The following WDR27 variants were observed in gnomAD, a reference collection of about 807,000 sequenced individuals.
WDR27 encodes the protein WD repeat domain 27, also known as WD repeat-containing protein 27.
WDR27 carries 100 observed loss-of-function variants against 114.4 expected under a neutral mutation model. The observed-to-expected ratio is 0.87, with a 90% CI of 0.74 to 1.03. The LOEUF (loss-of-function observed/expected upper bound fraction) is 1.03, where lower values mean the gene tolerates loss of function less well. WDR27 is among the 50% of genes least tolerant of loss of function. WDR27 has a pLI of 0.00. For synonymous variants in WDR27, 449 were observed against 423.1 expected (o/e 1.06, Z -0.75); for missense variants, 1,129 against 1,092.9 (o/e 1.03, Z -0.47).
chr6:169,435,849 A>C, the WDR27 span, among the ~76,000 whole-genome samples: 1 of 152,190 alleles, frequency 6.6e-6, no homozygotes, highest in African/African-American at 2.4e-5. Flanking sequence ...ATTGGTTTTG[A>C]AATGTGAGGA....
intron 25 of WDR27, among the ~76,000 whole-genome samples, chr6:169,548,023 C>T (rs1463626147): frequency 6.6e-6 from 1 of 151,794 alleles, no homozygotes; most frequent in African/African-American, 2.4e-5. Flanking sequence ...AAAAGTTAAT[C>T]ACTTTCCTAT....
intron 22 of WDR27, among the ~76,000 whole-genome samples, chr6:169,608,055 C>T (rs1343635206): frequency 6.6e-6 from 1 of 152,132 alleles, no homozygotes; most frequent in Non-Finnish European, 1.5e-5. Context: ...CTGTACTAAG[C>T]AACTGTAACA....
chr6:169,601,994 T>A (rs1808078952), intron 23 of WDR27, among the ~76,000 whole-genome samples: 1 of 152,240 alleles, frequency 6.6e-6, no homozygotes. Flanking sequence ...ATCTGTGAAA[T>A]GATTAATAAT....
intron 12 of WDR27, among the ~76,000 whole-genome samples, 167 bp from the exon 13 acceptor site, chr6:169,658,525 G>A (rs894674423): frequency 9.2e-5 from 14 of 151,828 alleles, no homozygotes; most frequent in Non-Finnish European, 1.6e-4. Context: ...ATCCTTGTAG[G>A]AAAAAAATAT....
intron 23 of WDR27, among the ~76,000 whole-genome samples, chr6:169,595,452 C>A (rs1156438375): frequency 6.6e-6 from 1 of 152,148 alleles, no homozygotes; most frequent in African/African-American, 2.4e-5. Flanking sequence ...ACCATTTTTC[C>A]ATCTCTCTTC....
At chr6:169,501,597 A>G (rs942090253) in intron 25 of WDR27, among the ~76,000 whole-genome samples, 1 of 152,240 alleles carries the variant, frequency 6.6e-6, no homozygotes, top group African/African-American at 2.4e-5. Flanking sequence ...TAAAATGCAT[A>G]AAGATGTATG....
At chr6:169,465,698 A>T (rs1785494609) in intron 25 of WDR27, among the ~76,000 whole-genome samples, 1 of 152,250 alleles carries the variant, frequency 6.6e-6, no homozygotes, top group African/African-American at 2.4e-5. Flanking sequence ...ACAATGGCAA[A>T]TTATTCAGTC....
At chr6:169,655,515 C>G (rs1481978604) in intron 13 of WDR27, among the ~76,000 whole-genome samples, 2 of 152,236 alleles carry the variant, frequency 1.3e-5, no homozygotes, top group African/African-American at 2.4e-5. Flanking sequence ...GCAAATCTCA[C>G]AGACACGAAG....
At chr6:169,541,710 A>C (rs1392808944) in intron 25 of WDR27, among the ~76,000 whole-genome samples, 1 of 152,220 alleles carries the variant, frequency 6.6e-6, no homozygotes, top group Non-Finnish European at 1.5e-5. Flanking sequence ...TGCAACCATA[A>C]GCAAATCTGG....
At chr6:169,689,646 A>T (rs1344553921) in intron 1 of WDR27, among the ~76,000 whole-genome samples, 2 of 152,262 alleles carry the variant, frequency 1.3e-5, no homozygotes, top group Non-Finnish European at 2.9e-5. Flanking sequence ...TCAGATCTTC[A>T]TCCAACTTTA....
At chr6:169,700,644 C>T (rs968810399) in intron 1 of WDR27, among the ~76,000 whole-genome samples, 1 of 152,164 alleles carries the variant, frequency 6.6e-6, no homozygotes, top group Non-Finnish European at 1.5e-5. Context: ...CCAAAGGAAT[C>T]GTCTGACTAG....
chr6:169,450,458 T>A, the WDR27 span, among the ~76,000 whole-genome samples: 906 of 152,324 alleles, frequency 5.9e-3, 11 homozygotes, highest in African/African-American at 0.019. Flanking sequence ...GTTCTACAGC[T>A]GAGCTGCCTG....
chr6:169,523,972 C>T (rs974700081), intron 25 of WDR27, among the ~76,000 whole-genome samples: 3 of 152,020 alleles, frequency 2.0e-5, no homozygotes, highest in African/African-American at 7.2e-5. Context: ...AATTAATAGA[C>T]ATAATAGGTA....
At chr6:169,504,852 G>C (rs1791805482) in intron 25 of WDR27, among the ~76,000 whole-genome samples, 1 of 152,160 alleles carries the variant, frequency 6.6e-6, no homozygotes, top group Non-Finnish European at 1.5e-5. Flanking sequence ...TGCCACCTCA[G>C]CCTCCCAAGG....
At chr6:169,497,225 T>C (rs111831769) in intron 25 of WDR27, among the ~76,000 whole-genome samples, 6,148 of 151,894 alleles carry the variant, frequency 0.04, 351 homozygotes, top group African/African-American at 0.13. Context: ...AATGTGCAAA[T>C]GAATGAAGTT....
At chr6:169,452,930 C>T (rs537739532), downstream of WDR27, among the ~76,000 whole-genome samples, 5 of 152,308 alleles carry the variant, frequency 3.3e-5, no homozygotes, top group South Asian at 1.0e-3. Context: ...AGCTTCTCTC[C>T]ACAAGCAGCT....
chr6:169,492,662 GA>G (rs904729954), intron 25 of WDR27, among the ~76,000 whole-genome samples: 23 of 148,596 alleles, frequency 1.5e-4, no homozygotes, highest in South Asian at 1.5e-3. Context: ...TACCTCACTG[GA>G]AAAAAAAAAT....
the WDR27 span, among the ~76,000 whole-genome samples, chr6:169,441,229 G>C: frequency 6.6e-6 from 1 of 152,100 alleles, no homozygotes; most frequent in East Asian, 1.9e-4. Flanking sequence ...CTGGGTCCCT[G>C]ATGTTGACTA....
chr6:169,462,981 G>A (rs1419590039), intron 25 of WDR27, among the ~76,000 whole-genome samples: 1 of 152,116 alleles, frequency 6.6e-6, no homozygotes, highest in African/African-American at 2.4e-5. Flanking sequence ...AATAAAAGCT[G>A]TATATATTAC....
Sources: allele counts gnomAD v4.1 joint callset (sites outside exome capture counted in the v4.1 genomes callset), GRCh38; gene constraint gnomAD v4.1.1; transcripts MANE v1.5; gene names NCBI Gene and HGNC (gene_info 2026-07-23, HGNC 2026-07-21).